The following TBCK variants were observed in gnomAD, a reference collection of about 807,000 sequenced individuals.
The protein encoded by TBCK is TBC domain-containing protein kinase-like protein.
In TBCK, 99 loss-of-function variants were observed where a neutral mutation model predicts 113.4. The observed-to-expected ratio is 0.87, with a 90% CI of 0.74 to 1.03. The LOEUF is 1.03. Ranked by LOEUF, TBCK falls within the 50% of genes least tolerant of loss-of-function variation. The pLI, the probability that TBCK is intolerant of heterozygous loss-of-function variation, is 0.00. For missense variants in TBCK, 1,045 were observed against 1,061.3 expected (o/e 0.98, Z 0.21); for synonymous variants, 369 against 370.8 (o/e 1.00, Z 0.05).
In TBCK at chr4:106,131,521, G is replaced by A. The variant is rs184555001; in HGVS notation, c.2236-15143C>T. Among the ~76,000 whole-genome samples, 237 of 152,346 alleles carry A rather than the reference G, an allele frequency of 1.6e-3. 1 individual carries two copies. Among genetic ancestry groups the A allele is most frequent in the East Asian group, 4.8e-3 (25 of 5,176 alleles). ...CCAGCTACTTGGGAGGCTGAGGCAG[G>A]AGAATTGCTTGAATCCAGGAGGCGG... On this transcript the variant is annotated intron_variant, in intron 23 of 25. Coordinates refer to ENST00000394708, the MANE Select transcript of TBCK (RefSeq NM_001163435.3).
intron 2 of TBCK, among the ~76,000 whole-genome samples, chr4:106,301,893 T>C (rs1035274158): frequency 5.3e-4 from 80 of 152,310 alleles, no homozygotes; most frequent in African/African-American, 1.7e-3. Context: ...TATTACACCA[T>C]TGAAAAATAT....
intron 25 of TBCK, among the ~76,000 whole-genome samples, chr4:106,067,619 T>C (rs1350783588): frequency 2.0e-5 from 3 of 152,184 alleles, no homozygotes; most frequent in Admixed American, 6.5e-5. Context: ...AAGAGTTTTA[T>C]AGTTGTAGAT....
chr4:106,240,236 A>G (rs1759937896), intron 12 of TBCK, among the ~76,000 whole-genome samples: 1 of 152,108 alleles, frequency 6.6e-6, no homozygotes, highest in South Asian at 2.1e-4. Flanking sequence ...ACTCAATGCA[A>G]CAAATATCAT....
In TBCK at chr4:106,211,568, T is replaced by C. The variant is rs938575698; in HGVS notation, c.1860+1182A>G. On this transcript the variant is annotated intron_variant, in intron 20 of 25. Coordinates refer to ENST00000394708, the MANE Select transcript of TBCK (RefSeq NM_001163435.3). Reference sequence around the variant, plus strand: ...CCACTCGAATTCTGTGTGCCCCAGGTCTCAATATAAAATGTATTTCTTCCC... The same window carrying C: ...CCACTCGAATTCTGTGTGCCCCAGGCCTCAATATAAAATGTATTTCTTCCC... Among the ~76,000 whole-genome samples, 3 of 152,094 alleles carry C rather than the reference T, an allele frequency of 2.0e-5. No homozygotes were observed. The South Asian group carries it at 6.2e-4, about 31-fold the overall frequency.
In TBCK at chr4:106,212,749, C is replaced by A; in HGVS notation, c.1860+1G>T. The A allele has an allele frequency of 6.3e-7, 1 of 1,596,660 alleles. No homozygotes were observed. The highest frequency in any genetic ancestry group is 8.6e-7 in the Non-Finnish European group (1 of 1,166,510). ...GTTCTATTAATGCACCAAGTACTTA[C>A]ATCTGGAATGAAACCAATCTCATTG... On this transcript the variant is annotated splice_donor_variant, in intron 20 of 25. Transcript: ENST00000394708. LOFTEE classifies it high-confidence loss of function.
chr4:106,285,717 G>A (rs530886646), intron 3 of TBCK, among the ~76,000 whole-genome samples: 1 of 152,128 alleles, frequency 6.6e-6, no homozygotes, highest in Non-Finnish European at 1.5e-5. Context: ...AACAGTTATA[G>A]ACAAAGGAAC....
intron 25 of TBCK, among the ~76,000 whole-genome samples, chr4:106,061,531 C>T (rs1230738422): frequency 1.3e-5 from 2 of 150,184 alleles, no homozygotes; most frequent in Non-Finnish European, 3.0e-5. Context: ...TACTAGACTA[C>T]AGTATAGTGT....
chr4:106,120,144 C>G (rs1040760590), intron 23 of TBCK, among the ~76,000 whole-genome samples: 15 of 152,196 alleles, frequency 9.9e-5, no homozygotes, highest in Admixed American at 6.5e-4. Context: ...CAAGGCATTG[C>G]CTCACTGGGG....
At chr4:106,264,638 A>G (rs563454152) in intron 3 of TBCK, among the ~76,000 whole-genome samples, 1 of 151,986 alleles carries the variant, frequency 6.6e-6, no homozygotes, top group Non-Finnish European at 1.5e-5. Context: ...AAAGAAATAG[A>G]AACCTAGGCC....
rs976573674 is a variant in TBCK at position 106,212,427 on chromosome 4, T to C, written c.1860+323A>G. On this transcript the variant is annotated intron_variant, in intron 20 of 25. Coordinates refer to ENST00000394708, the MANE Select transcript of TBCK (RefSeq NM_001163435.3). The stretch of plus-strand genomic sequence containing the variant: ...CACAGAAGTTACTTTCACTTAAGTA[T>C]AGACTTCCTATATCTTCAAAATCAG... Among the ~76,000 whole-genome samples the C allele has an allele frequency of 5.3e-5, 8 of 152,310 alleles. No individual in the cohort carries two copies. In the South Asian group the frequency reaches 1.0e-3, roughly 20 times the overall value.
At chr4:106,164,416 A>T (rs899288379) in intron 23 of TBCK, 2 of 151,996 alleles carry the variant, frequency 1.3e-5, no homozygotes, top group African/African-American at 4.8e-5. Flanking sequence ...TTCTTATTTA[A>T]GAGTAGGTAT....
intron 4 of TBCK, among the ~76,000 whole-genome samples, chr4:106,260,882 G>T (rs1449530952): frequency 4.6e-5 from 7 of 151,854 alleles, no homozygotes; most frequent in Non-Finnish European, 4.4e-5. Flanking sequence ...TTTTCACAGA[G>T]CAAATTTTTT....
intron 10 of TBCK, among the ~76,000 whole-genome samples, chr4:106,246,268 A>G (rs1427503310): frequency 6.6e-6 from 1 of 152,192 alleles, no homozygotes; most frequent in Non-Finnish European, 1.5e-5. Flanking sequence ...AAGATACAGT[A>G]TGTGACACAT....
At chr4:106,060,229 C>G (rs965323492) in intron 25 of TBCK, among the ~76,000 whole-genome samples, 3 of 151,714 alleles carry the variant, frequency 2.0e-5, no homozygotes, top group Admixed American at 1.3e-4. Flanking sequence ...AATGAAGCAG[C>G]CTTTGATTGG....
chr4:106,207,336 G>A (rs1755634997), intron 20 of TBCK, among the ~76,000 whole-genome samples: 1 of 152,142 alleles, frequency 6.6e-6, no homozygotes, highest in Non-Finnish European at 1.5e-5. Flanking sequence ...GAATTTCAAT[G>A]ATGAAAGATT....
chr4:106,200,994 TA>T (rs1173879473), intron 20 of TBCK, among the ~76,000 whole-genome samples: 3 of 152,006 alleles, frequency 2.0e-5, no homozygotes, highest in African/African-American at 7.2e-5. Flanking sequence ...GGCATGTATT[TA>T]AAAAAATTAA....
At chr4:106,069,609 A>G (rs1351168102) in intron 25 of TBCK, among the ~76,000 whole-genome samples, 1 of 152,108 alleles carries the variant, frequency 6.6e-6, no homozygotes, top group African/African-American at 2.4e-5. Context: ...TTTGGCTTAG[A>G]ATTGTCTTGA....
chr4:106,159,410 GAACT>G (rs748119479), intron 23 of TBCK, among the ~76,000 whole-genome samples: 3 of 151,918 alleles, frequency 2.0e-5, no homozygotes, highest in South Asian at 4.2e-4. Flanking sequence ...AACACTGTTA[GAACT>G]AATAATGGAA....
intron 23 of TBCK, among the ~76,000 whole-genome samples, chr4:106,119,132 G>C (rs1304848407): frequency 6.6e-6 from 1 of 152,092 alleles, no homozygotes; most frequent in Non-Finnish European, 1.5e-5. Context: ...AAGTAAAACT[G>C]TACAACTTTT....
Sources: allele counts gnomAD v4.1 joint callset (sites outside exome capture counted in the v4.1 genomes callset), GRCh38; gene constraint gnomAD v4.1.1; transcripts MANE v1.5; gene names NCBI Gene and HGNC (gene_info 2026-07-23, HGNC 2026-07-21).